FBXO28: variants seen among roughly 807,000 people sequenced by gnomAD.
FBXO28 encodes the protein F-box only protein 28.
Under a neutral mutation model 38.1 loss-of-function variants are expected in FBXO28, and 8 were observed. The observed-to-expected ratio is 0.21, with a 90% CI of 0.12 to 0.38. The LOEUF is 0.38. Ranked by LOEUF, FBXO28 falls within the 10% of genes least tolerant of loss-of-function variation. FBXO28 has a pLI of 1.00. For missense variants in FBXO28, 345 were observed against 460.6 expected, an observed-to-expected ratio of 0.75 and a Z score of 2.30; for synonymous variants, 168 against 173.8, an observed-to-expected ratio of 0.97 and a Z score of 0.26.
At chr1:224,116,013 C>G (rs1282407489) in intron 1 of FBXO28, among the ~76,000 whole-genome samples, 1 of 152,190 alleles carries the variant, frequency 6.6e-6, no homozygotes, top group Non-Finnish European at 1.5e-5. Context: ...GTGAGATATT[C>G]AGCTGCATTC....
In FBXO28 at chr1:224,157,457, C is replaced by T; in HGVS notation, c.818C>T (p.Ala273Val). Reference sequence around the variant, plus strand: ...CAGCAGCAGGTTAAAACAAATGGTGCTGGCGTGACTGTTCTCAGGCGTGAA... The same window carrying T: ...CAGCAGCAGGTTAAAACAAATGGTGTTGGCGTGACTGTTCTCAGGCGTGAA... Reference protein sequence around the residue: ...KLQQQVKTNGAGVTVLRREIS... With the variant: ...KLQQQVKTNGVGVTVLRREIS... Residue 273 changes from alanine to valine, a missense_variant, in exon 5 of 5, where the codon GCT becomes GTT. Coordinates refer to ENST00000366862, the MANE Select transcript of FBXO28 (RefSeq NM_015176.4). 1 of 1,614,242 alleles carries T rather than the reference C, an allele frequency of 6.2e-7. No individual in the cohort carries two copies. The highest frequency in any genetic ancestry group is 8.5e-7 in the Non-Finnish European group (1 of 1,180,054).
rs527385822 is a variant in FBXO28, at chr1:224,124,235, T to G, written c.268-6237T>G. The stretch of plus-strand genomic sequence containing the variant: ...ACAACAAATCTAAAAACAAAGAAAA[T>G]TTTTCATTACTGACCACAACTAAGA... On this transcript the variant is annotated intron_variant, in intron 1 of 4. Transcript: ENST00000366862. Among the ~76,000 whole-genome samples, 3 of 152,186 alleles carry G rather than the reference T, an allele frequency of 2.0e-5. No homozygotes were observed. The East Asian group carries it at 5.8e-4, about 29-fold the overall frequency.
chr1:224,135,770 C>G (rs1016795240), intron 3 of FBXO28, among the ~76,000 whole-genome samples: 3 of 152,100 alleles, frequency 2.0e-5, no homozygotes, highest in African/African-American at 7.2e-5. Flanking sequence ...GGTGCCGTGG[C>G]TCACACCTGT....
intron 1 of FBXO28, among the ~76,000 whole-genome samples, chr1:224,121,120 G>C (rs974236823): frequency 9.9e-5 from 15 of 152,158 alleles, no homozygotes; most frequent in African/African-American, 3.6e-4. Context: ...CTGATCTGAA[G>C]CCAGTATGTA....
intron 1 of FBXO28, among the ~76,000 whole-genome samples, chr1:224,127,936 A>G (rs1182923259): frequency 6.6e-6 from 1 of 152,160 alleles, no homozygotes; most frequent in Non-Finnish European, 1.5e-5. Flanking sequence ...TTTATTAGAA[A>G]TTACTTCGTA....
chr1:224,151,990 CA>C (rs1253793629), intron 3 of FBXO28, among the ~76,000 whole-genome samples: 6 of 151,340 alleles, frequency 4.0e-5, no homozygotes, highest in African/African-American at 1.5e-4. Flanking sequence ...GACAGTGAGC[CA>C]GGATTGTGCC....
intron 1 of FBXO28, among the ~76,000 whole-genome samples, chr1:224,123,808 A>G (rs1341477909): frequency 6.6e-6 from 1 of 152,114 alleles, no homozygotes; most frequent in Non-Finnish European, 1.5e-5. Context: ...TTTTTGTAAA[A>G]CAATCAGTTA....
intron 3 of FBXO28, among the ~76,000 whole-genome samples, chr1:224,136,049 A>G (rs1657174848): frequency 6.7e-6 from 1 of 149,608 alleles, no homozygotes. Flanking sequence ...CAAACAAATA[A>G]TGTTAAATCC....
intron 3 of FBXO28, among the ~76,000 whole-genome samples, chr1:224,135,484 C>T (rs1311047532): frequency 6.6e-6 from 1 of 151,624 alleles, no homozygotes; most frequent in Non-Finnish European, 1.5e-5. Flanking sequence ...TAGTGGCTCG[C>T]ACCTCTAATC....
intron 3 of FBXO28, among the ~76,000 whole-genome samples, chr1:224,148,069 A>G (rs1366231758): frequency 6.6e-6 from 1 of 152,186 alleles, no homozygotes; most frequent in Non-Finnish European, 1.5e-5. Flanking sequence ...ATCCCATTTG[A>G]CTAAAATAAT....
intron 3 of FBXO28, among the ~76,000 whole-genome samples, chr1:224,148,689 A>G (rs910352611): frequency 6.6e-6 from 1 of 151,926 alleles, no homozygotes; most frequent in Non-Finnish European, 1.5e-5. Flanking sequence ...AAGAAAAGAA[A>G]CACCCTAGAA....
intron 1 of FBXO28, among the ~76,000 whole-genome samples, chr1:224,117,931 T>C (rs1558185320): frequency 6.6e-6 from 1 of 152,108 alleles, no homozygotes; most frequent in Non-Finnish European, 1.5e-5. Context: ...CCTATGTAAC[T>C]TTGGCTTATG....
chr1:224,135,506 C>A (rs950716289), intron 3 of FBXO28, among the ~76,000 whole-genome samples: 1 of 148,154 alleles, frequency 6.7e-6, no homozygotes, highest in Non-Finnish European at 1.5e-5. Context: ...CAGATACTTG[C>A]AAGGCTGAGG....
Position 224,130,471 on chromosome 1 carries a change from G to A in FBXO28, c.268-1G>A. 1 of 1,607,732 alleles carries A rather than the reference G, an allele frequency of 6.2e-7. No individual in the cohort carries two copies. The highest frequency in any genetic ancestry group is 8.5e-7 in the Non-Finnish European group (1 of 1,174,816). On this transcript the variant is annotated splice_acceptor_variant, in intron 1 of 4. Transcript: ENST00000366862. LOFTEE classifies it high-confidence loss of function. ...ATTTTTGTTCTTTTTTCTCCTTGAAGGTTTGTAAAAGAATGGACTTGGTCT... is the reference window on the plus strand; with the variant it reads ...ATTTTTGTTCTTTTTTCTCCTTGAAAGTTTGTAAAAGAATGGACTTGGTCT...
intron 3 of FBXO28, among the ~76,000 whole-genome samples, chr1:224,135,295 A>G (rs983717196): frequency 2.6e-5 from 4 of 152,304 alleles, no homozygotes; most frequent in South Asian, 2.1e-4. Flanking sequence ...CTTGTTTCAT[A>G]TAGCATCATA....
At chr1:224,142,462 T>A (rs1657381373) in intron 3 of FBXO28, among the ~76,000 whole-genome samples, 1 of 146,712 alleles carries the variant, frequency 6.8e-6, no homozygotes, top group South Asian at 2.1e-4. Context: ...AAGTTTTAAC[T>A]TCTTGACTTT....
chr1:224,143,477 G>T (rs1381092422), intron 3 of FBXO28, among the ~76,000 whole-genome samples: 1 of 152,102 alleles, frequency 6.6e-6, no homozygotes, highest in Non-Finnish European at 1.5e-5. Context: ...GCCCTGAGCT[G>T]CTAGGATGGG....
chr1:224,133,931 T>G (rs1468052417), intron 2 of FBXO28, 143 bp from the exon 3 acceptor site: 1 of 524,798 alleles, frequency 1.9e-6, no homozygotes, highest in Non-Finnish European at 3.1e-6. Flanking sequence ...TCATTCATCA[T>G]TACAGTTAAA....
intron 1 of FBXO28, among the ~76,000 whole-genome samples, chr1:224,117,569 C>T (rs1656672221): frequency 6.6e-6 from 1 of 152,072 alleles, no homozygotes; most frequent in Admixed American, 6.5e-5. Context: ...CTGAACACAA[C>T]CTTTGAAATG....
Sources: gnomAD v4.1 joint callset for allele counts (sites outside exome capture counted in the v4.1 genomes callset) on GRCh38, gnomAD v4.1.1 for gene constraint, MANE v1.5 for transcripts, NCBI Gene and HGNC (gene_info 2026-07-23, HGNC 2026-07-21) for gene names.